Variants in C3orf20 observed in about 807,000 individuals in gnomAD.
C3orf20 encodes family with sequence similarity 149 member C, also known as uncharacterized protein C3orf20.
Under a neutral mutation model 88.3 loss-of-function variants are expected in C3orf20, and 76 were observed. The ratio of observed to expected loss-of-function variants is 0.86; its 90% CI spans 0.72 to 1.04. The LOEUF is 1.04. Among genes scored for constraint, C3orf20 ranks in the 50% least tolerant of loss-of-function variants. The pLI is 0.00. For synonymous variants in C3orf20, 436 were observed against 437.4 expected (o/e 1.00, Z 0.04); for missense variants, 1,056 against 1,123.3 (o/e 0.94, Z 0.86).
chr3:14,744,707 G>A lies in C3orf20; in HGVS notation c.1941-12664G>A, dbSNP rs149314997. 4.5e-3 allele frequency among the ~76,000 whole-genome samples: 685 copies of A among 152,028 alleles called. 7 individuals are homozygous for A. The highest frequency in any genetic ancestry group is 0.018 in the South Asian group (89 of 4,828). ...AGGTGAAAGACTCTTCTTACATGGCGACGACAAGAGAAAATGAGGAAGAAG... is the reference window on the plus strand; with the variant it reads ...AGGTGAAAGACTCTTCTTACATGGCAACGACAAGAGAAAATGAGGAAGAAG... On this transcript the variant is annotated intron_variant, in intron 12 of 16. Transcript: ENST00000253697.
At chr3:14,736,919 T>C (rs2034730785) in intron 12 of C3orf20, among the ~76,000 whole-genome samples, 1 of 152,212 alleles carries the variant, frequency 6.6e-6, no homozygotes, top group South Asian at 2.1e-4. Context: ...TGGCAATTAC[T>C]TTGTTTTAGC....
chr3:14,744,451 G>A (rs932731134), intron 12 of C3orf20, among the ~76,000 whole-genome samples: 1 of 151,896 alleles, frequency 6.6e-6, no homozygotes, highest in African/African-American at 2.4e-5. Flanking sequence ...ACATTTTCCT[G>A]TCTTCTTCTG....
rs570372495 is a variant in C3orf20 at position 14,772,292 on chromosome 3, C to T, written c.2630+91C>T. On this transcript the variant is annotated intron_variant, in intron 16 of 16. Transcript: ENST00000253697. The surrounding 1 kb of genome is among the most constrained non-coding windows in gnomAD (Gnocchi z 4.2). ...CCTTGGGCAAGTCACTACCCCCAGG[C>T]GTGGCCTGGGTCATGTCCAACCATC... 4.6e-6 allele frequency: 7 copies of T among 1,532,212 alleles called. No individual in the cohort carries two copies. Among genetic ancestry groups the T allele is most frequent in the Admixed American group, 3.5e-5 (2 of 57,186 alleles). The allele number at this position is 1,532,212 out of a possible 1,614,324, so 94.9% of individuals were successfully genotyped here.
At chr3:14,680,298 A>G (rs557947716) in intron 1 of C3orf20, among the ~76,000 whole-genome samples, 1 of 152,396 alleles carries the variant, frequency 6.6e-6, no homozygotes, top group South Asian at 2.1e-4. Flanking sequence ...GTATATCCAT[A>G]CAGTGGAATA....
At chr3:14,730,720 C>G (rs2034517185) in intron 12 of C3orf20, among the ~76,000 whole-genome samples, 1 of 152,188 alleles carries the variant, frequency 6.6e-6, no homozygotes, top group African/African-American at 2.4e-5. Flanking sequence ...CTAGTACAGA[C>G]TGTCCGTTTT....
Position 14,757,542 on chromosome 3 carries a change from C to T in C3orf20, c.2112C>T (p.Pro704=), listed in dbSNP as rs201132252. The part of the protein sequence containing the change: ...DVELERFLLA[P]RDPSQVLVFG... ...AGCTGGAGCGCTTCCTGTTGGCGCC[C>T]CGAGACCCCAGCCAAGTGCTGGTGT... The change falls in exon 13 of 17, where the codon CCC becomes CCT. Residue 704 remains proline (P), a synonymous_variant. Transcript: ENST00000253697. 9 of 1,614,032 alleles carry T rather than the reference C, an allele frequency of 5.6e-6. No homozygotes were observed. Among genetic ancestry groups the T allele is most frequent in the Middle Eastern group, 1.6e-4 (1 of 6,072 alleles).
At chr3:14,766,133 C>T (rs949797016) in intron 15 of C3orf20, among the ~76,000 whole-genome samples, 4 of 152,294 alleles carry the variant, frequency 2.6e-5, no homozygotes, top group Non-Finnish European at 5.9e-5. Flanking sequence ...TGATCAGAGA[C>T]CAGAGCTGTG....
In C3orf20 at chr3:14,748,048, G is replaced by A. The variant is rs544110197; in HGVS notation, c.1941-9323G>A. On this transcript the variant is annotated intron_variant, in intron 12 of 16. Coordinates refer to ENST00000253697, the MANE Select transcript of C3orf20 (RefSeq NM_032137.5). ...TTTAGGTGAGTTTGAGAAAGTTTTGGTGTTAGTTCTTCTTTAAATTTTAGG... is the reference window on the plus strand; with the variant it reads ...TTTAGGTGAGTTTGAGAAAGTTTTGATGTTAGTTCTTCTTTAAATTTTAGG... 4.6e-5 allele frequency among the ~76,000 whole-genome samples: 7 copies of A among 151,856 alleles called. No homozygotes were observed. In the East Asian group the frequency reaches 9.7e-4, roughly 21 times the overall value.
chr3:14,734,288 C>T (rs953865126), intron 12 of C3orf20, among the ~76,000 whole-genome samples: 2 of 151,936 alleles, frequency 1.3e-5, no homozygotes, highest in African/African-American at 4.8e-5. Flanking sequence ...GAGGTGGATG[C>T]TTAGATAATT....
chr3:14,742,872 CAGG>C (rs912696264), intron 12 of C3orf20, among the ~76,000 whole-genome samples: 3 of 152,128 alleles, frequency 2.0e-5, no homozygotes, highest in African/African-American at 7.2e-5. Flanking sequence ...TATTCACTAT[CAGG>C]AGAATAGCAT....
At chr3:14,769,151 C>G (rs2035796334) in intron 15 of C3orf20, among the ~76,000 whole-genome samples, 1 of 152,104 alleles carries the variant, frequency 6.6e-6, no homozygotes, top group African/African-American at 2.4e-5. Context: ...ATTCATAGAG[C>G]TGTGAGCAGT....
intron 13 of C3orf20, among the ~76,000 whole-genome samples, chr3:14,758,535 T>TGGCACATGAGCACATGAGCTGGGTG (rs2125033176): frequency 6.6e-6 from 1 of 152,330 alleles, no homozygotes; most frequent in African/African-American, 2.4e-5. Flanking sequence ...GAGCAAAGGA[T>TGGCACATGAGCACATGAGCTGGGTG]GGCACATGAG....
At position 14,684,326 on chromosome 3, in the gene C3orf20, A is replaced by G. The variant is rs1328830885; in HGVS notation, c.569A>G (p.Asn190Ser). The G allele has an allele frequency of 3.1e-6, 5 of 1,614,148 alleles. No homozygotes were observed. Among genetic ancestry groups the G allele is most frequent in the Non-Finnish European group, 2.5e-6 (3 of 1,180,030 alleles). ...CTCAATGCCAAGGAGATGGCCTTCAACTGCCTGATCAGCACAGCCGGGAGA... is the reference window on the plus strand; with the variant it reads ...CTCAATGCCAAGGAGATGGCCTTCAGCTGCCTGATCAGCACAGCCGGGAGA... ...LHLNAKEMAFNCLISTAGRSG... is the reference protein window; with the variant it reads ...LHLNAKEMAFSCLISTAGRSG... The change falls in exon 4 of 17, where the codon AAC becomes AGC. Residue 190 changes from asparagine to serine, a missense_variant. Asn to Ser is a conservative substitution (Grantham distance 46). Coordinates refer to ENST00000253697, the MANE Select transcript of C3orf20 (RefSeq NM_032137.5).
chr3:14,711,342 G>C (rs2033730052), intron 7 of C3orf20, among the ~76,000 whole-genome samples: 1 of 152,100 alleles, frequency 6.6e-6, no homozygotes, highest in African/African-American at 2.4e-5. Context: ...TTGAGGCTCT[G>C]TTATTAGGTG....
chr3:14,719,125 G>GTTTT (rs35504025), intron 9 of C3orf20, among the ~76,000 whole-genome samples: 1 of 133,178 alleles, frequency 7.5e-6, no homozygotes, highest in Non-Finnish European at 1.6e-5. Flanking sequence ...TTGGGTCATT[G>GTTTT]TTTTTTTTTT....
At position 14,690,021 on chromosome 3, in the gene C3orf20, T is replaced by C. The variant is rs146624816; in HGVS notation, c.650T>C (p.Ile217Thr). The stretch of plus-strand genomic sequence containing the variant: ...GAGTCCCTCGCAAACATGTCCGCCA[T>C]TGGGGTGAACTCGCCTTACCAGCTG... ...WKESLANMSA[I>T]GVNSPYQLIY... is the part of the protein sequence containing the mutation. Residue 217 changes from isoleucine (I) to threonine (T), a missense_variant, in exon 5 of 17, where the codon ATT becomes ACT. Ile to Thr is a moderately conservative substitution (Grantham distance 89, BLOSUM62 -1). Coordinates refer to ENST00000253697, the MANE Select transcript of C3orf20 (RefSeq NM_032137.5). The C allele has an allele frequency of 6.2e-6, 10 of 1,614,014 alleles. No homozygotes were observed. The highest frequency in any genetic ancestry group is 2.7e-5 in the African/African-American group (2 of 74,916).
At chr3:14,764,031 A>C (rs752923136) in intron 15 of C3orf20, among the ~76,000 whole-genome samples, 1 of 152,178 alleles carries the variant, frequency 6.6e-6, no homozygotes, top group Non-Finnish European at 1.5e-5. Flanking sequence ...AACTATACAC[A>C]TACATACAAA....
At chr3:14,678,832 A>G (rs577474204) in intron 1 of C3orf20, among the ~76,000 whole-genome samples, 8 of 151,846 alleles carry the variant, frequency 5.3e-5, no homozygotes, top group Non-Finnish European at 1.2e-4. Flanking sequence ...ACCATATGGA[A>G]CACAATTAGC....
intron 7 of C3orf20, among the ~76,000 whole-genome samples, chr3:14,709,643 C>G (rs1333419237): frequency 1.3e-5 from 2 of 152,094 alleles, no homozygotes; most frequent in Admixed American, 1.3e-4. Flanking sequence ...TCCCCCCAAC[C>G]CCCGCCATTC....
Sources: allele counts gnomAD v4.1 joint callset (sites outside exome capture counted in the v4.1 genomes callset), GRCh38; gene constraint gnomAD v4.1.1; non-coding constraint Gnocchi (gnomAD v3.1); transcripts MANE v1.5; gene names NCBI Gene and HGNC (gene_info 2026-07-23, HGNC 2026-07-21).